The following RAD51B variants were observed in gnomAD, a reference collection of about 807,000 sequenced individuals.
RAD51B encodes the protein RAD51 paralog B, also known as DNA repair protein RAD51 homolog 2.
RAD51B carries 38 observed loss-of-function variants against 42.2 expected under a neutral mutation model. The ratio of observed to expected loss-of-function variants is 0.90; its 90% confidence interval spans 0.70 to 1.18. The LOEUF is 1.18. RAD51B is among the 50% of genes most tolerant of loss of function. The probability of loss-of-function intolerance (pLI) is 0.00; values close to 1 mark genes in which losing one functional copy is unlikely to be tolerated. For missense variants in RAD51B, 373 were observed against 400.7 expected (o/e 0.93, Z 0.59); for synonymous variants, 154 against 145.2 (o/e 1.06, Z -0.43).
At position 68,099,769 on chromosome 14, in the gene RAD51B, C is replaced by T. The variant is rs745442708; in HGVS notation, c.757-192115C>T. Reference sequence around the variant, plus strand: ...ACTAGGCCCTTGTGATAGGAGGGAACTTAATGCTGCGGTTGTTCTGCTTAG... The same window carrying T: ...ACTAGGCCCTTGTGATAGGAGGGAATTTAATGCTGCGGTTGTTCTGCTTAG... On this transcript the variant is annotated intron_variant, in intron 7 of 10. Coordinates refer to ENST00000471583, the MANE Select transcript of RAD51B (RefSeq NM_133510.4). Among the ~76,000 whole-genome samples, 5 of 152,198 alleles carry T rather than the reference C, an allele frequency of 3.3e-5. 1 individual carries two copies. The highest frequency in any genetic ancestry group is 7.3e-5 in the Non-Finnish European group (5 of 68,042).
intron 7 of RAD51B, among the ~76,000 whole-genome samples, chr14:68,084,869 A>G (rs2076962435): frequency 6.6e-6 from 1 of 152,248 alleles, no homozygotes; most frequent in South Asian, 2.1e-4. Context: ...TCCGTGGATA[A>G]TAAGTCTGAT....
intron 8 of RAD51B, among the ~76,000 whole-genome samples, chr14:68,348,675 G>A (rs1043527223): frequency 6.6e-6 from 1 of 152,208 alleles, no homozygotes; most frequent in Non-Finnish European, 1.5e-5. Context: ...CGAGGTGGGC[G>A]GATCATGAGG....
chr14:68,504,839 T>C (rs35722059), intron 10 of RAD51B, among the ~76,000 whole-genome samples: 1 of 152,126 alleles, frequency 6.6e-6, no homozygotes, highest in East Asian at 1.9e-4. Flanking sequence ...CACTTGATGG[T>C]GTGGCTCCAT....
intron 10 of RAD51B, among the ~76,000 whole-genome samples, chr14:68,605,374 C>A (rs1399501421): frequency 1.3e-5 from 2 of 152,210 alleles, no homozygotes; most frequent in Admixed American, 6.5e-5. Flanking sequence ...GCAGATGGAA[C>A]AATGGTGAGA....
intron 7 of RAD51B, among the ~76,000 whole-genome samples, chr14:68,263,072 C>T (rs548152189): frequency 1.3e-5 from 2 of 152,244 alleles, no homozygotes; most frequent in East Asian, 1.9e-4. Context: ...AGTAGCTGTT[C>T]GTCTTTTGAG....
At chr14:67,951,274 T>C (rs2074440000) in intron 7 of RAD51B, among the ~76,000 whole-genome samples, 2 of 152,116 alleles carry the variant, frequency 1.3e-5, no homozygotes, top group South Asian at 4.1e-4. Context: ...TGAAATATAC[T>C]GTCACTCATT....
At chr14:67,846,310 G>A (rs185719752) in intron 4 of RAD51B, among the ~76,000 whole-genome samples, 1 of 152,282 alleles carries the variant, frequency 6.6e-6, no homozygotes, top group East Asian at 1.9e-4. Context: ...TGTGGGGGGT[G>A]GCGTGTGGGT....
chr14:68,132,849 C>T (rs1471092569), intron 7 of RAD51B, among the ~76,000 whole-genome samples: 1 of 152,220 alleles, frequency 6.6e-6, no homozygotes, highest in Non-Finnish European at 1.5e-5. Context: ...GAAACTCTCT[C>T]TAGCACATTT....
chr14:68,539,856 C>T (rs908942429), intron 10 of RAD51B, among the ~76,000 whole-genome samples: 2 of 152,224 alleles, frequency 1.3e-5, no homozygotes, highest in African/African-American at 2.4e-5. Context: ...TTTTCTTCCT[C>T]ATCTGGGTGA....
At chr14:68,289,769 A>G (rs2081480985) in intron 7 of RAD51B, among the ~76,000 whole-genome samples, 1 of 152,190 alleles carries the variant, frequency 6.6e-6, no homozygotes, top group African/African-American at 2.4e-5. Flanking sequence ...ATAGAGCTGA[A>G]CAGTTATTTC....
intron 7 of RAD51B, among the ~76,000 whole-genome samples, chr14:68,107,016 C>G (rs2077386388): frequency 6.6e-6 from 1 of 151,760 alleles, no homozygotes; most frequent in Admixed American, 6.6e-5. Flanking sequence ...TGTGAGTGAC[C>G]AGTCTATTTA....
At chr14:68,497,274 G>T in intron 10 of RAD51B, 5 of 1,316,880 alleles carry the variant, frequency 3.8e-6, no homozygotes, top group Non-Finnish European at 4.9e-6. Context: ...TTGCTACTGT[G>T]TAGACTCAGC....
In RAD51B at chr14:68,326,713, C is replaced by T. The variant is rs2082258891; in HGVS notation, c.853+34733C>T. ...TTGCCACTAGAACTTTTTCTATAAC[C>T]TAATTACATTTTTTTCAACCTAAAA... On this transcript the variant is annotated intron_variant, in intron 8 of 10. Coordinates refer to ENST00000471583, the MANE Select transcript of RAD51B (RefSeq NM_133510.4). Among the ~76,000 whole-genome samples the T allele has an allele frequency of 2.6e-5, 4 of 152,304 alleles. No individual in the cohort carries two copies. In the South Asian group the frequency reaches 8.3e-4, roughly 32 times the overall value.
chr14:68,042,765 A>G (rs2140399443), intron 7 of RAD51B, among the ~76,000 whole-genome samples: 1 of 152,382 alleles, frequency 6.6e-6, no homozygotes, highest in Middle Eastern at 3.4e-3. Flanking sequence ...AGGCATGCCA[A>G]GTCAGCACTT....
chr14:68,196,505 A>G (rs1278148092), intron 7 of RAD51B, among the ~76,000 whole-genome samples: 1 of 152,094 alleles, frequency 6.6e-6, no homozygotes. Context: ...TCCATGGAAT[A>G]ATAGTCTTCC....
At chr14:68,501,180 AC>A (rs1884893234) in intron 10 of RAD51B, among the ~76,000 whole-genome samples, 1 of 152,126 alleles carries the variant, frequency 6.6e-6, no homozygotes, top group Non-Finnish European at 1.5e-5. Flanking sequence ...TCCCATGCAG[AC>A]CTCAGTGCAA....
chr14:67,917,546 A>C (rs1819189476), intron 7 of RAD51B, among the ~76,000 whole-genome samples: 1 of 152,226 alleles, frequency 6.6e-6, no homozygotes, highest in Non-Finnish European at 1.5e-5. Context: ...TTAACATTCA[A>C]CATGAGATTT....
intron 7 of RAD51B, among the ~76,000 whole-genome samples, chr14:67,966,866 A>G (rs1053590210): frequency 1.3e-5 from 2 of 152,172 alleles, no homozygotes; most frequent in Non-Finnish European, 2.9e-5. Flanking sequence ...ATACAGTATT[A>G]TATTTAGGTC....
At chr14:68,135,478 T>C (rs932361622) in intron 7 of RAD51B, among the ~76,000 whole-genome samples, 8 of 152,210 alleles carry the variant, frequency 5.3e-5, no homozygotes, top group Admixed American at 1.3e-4. Flanking sequence ...TTGTCAAGAT[T>C]GTGCTGGGTT....
Sources: gnomAD v4.1 joint callset for allele counts (sites outside exome capture counted in the v4.1 genomes callset) on GRCh38, gnomAD v4.1.1 for gene constraint, MANE v1.5 for transcripts, NCBI Gene and HGNC (gene_info 2026-07-23, HGNC 2026-07-21) for gene names.